CBLN2: variants seen among roughly 807,000 people sequenced by gnomAD.
CBLN2 encodes the protein cerebellin-2.
CBLN2 carries 7 observed loss-of-function variants against 15.0 expected under a neutral mutation model. That is an observed-to-expected ratio of 0.47 (90% confidence interval 0.27 to 0.88). The LOEUF is 0.88. CBLN2 is among the 40% of genes least tolerant of loss of function. The pLI is 0.14. For missense variants in CBLN2, 242 were observed against 304.5 expected, an observed-to-expected ratio of 0.79 and a Z score of 1.53; for synonymous variants, 149 against 135.2, an observed-to-expected ratio of 1.10 and a Z score of -0.71.
At chr18:72,615,953 A>ATT (rs2069658643) in intron 1 of CBLN2, among the ~76,000 whole-genome samples, 1 of 152,194 alleles carries the variant, frequency 6.6e-6, no homozygotes. Flanking sequence ...CTGCTCTATG[A>ATT]ATTAACCTTC....
rs78946029 is a variant in CBLN2, at chr18:72,575,949, C to T, written c.16-37177G>A. ...CAGGTTTTTCCTGGAGTATAGCACC[C>T]TTTAGCCCTTATCACCCTAAACCTG... On this transcript the variant is annotated intron_variant, in intron 1 of 2. Transcript: ENST00000581073. Among the ~76,000 whole-genome samples, 1,478 of 152,268 alleles carry T rather than the reference C, an allele frequency of 9.7e-3. 28 individuals are homozygous for T. Among genetic ancestry groups the T allele is most frequent in the African/African-American group, 0.034 (1,392 of 41,530 alleles).
At chr18:72,560,183 C>T (rs1285613274) in intron 1 of CBLN2, among the ~76,000 whole-genome samples, 5 of 152,300 alleles carry the variant, frequency 3.3e-5, no homozygotes, top group Admixed American at 6.5e-5. Flanking sequence ...GCTGCTCCTG[C>T]CCCTTGTGGG....
chr18:72,629,424 A>G (rs1212581952), intron 1 of CBLN2, among the ~76,000 whole-genome samples: 1 of 152,110 alleles, frequency 6.6e-6, no homozygotes, highest in African/African-American at 2.4e-5. Flanking sequence ...ATTAAGATAA[A>G]GAAAACAAAG....
intron 1 of CBLN2, among the ~76,000 whole-genome samples, chr18:72,636,229 T>C (rs1209481599): frequency 6.6e-6 from 1 of 152,218 alleles, no homozygotes; most frequent in Non-Finnish European, 1.5e-5. Context: ...TACGTAGGTA[T>C]TGAAAATGAC....
intron 1 of CBLN2, among the ~76,000 whole-genome samples, chr18:72,604,034 C>G (rs968546877): frequency 6.6e-6 from 1 of 152,132 alleles, no homozygotes; most frequent in East Asian, 1.9e-4. Flanking sequence ...CGTCCAGCAC[C>G]GATTACATCG....
intron 1 of CBLN2, among the ~76,000 whole-genome samples, chr18:72,602,516 C>T (rs183729439): frequency 7.2e-4 from 109 of 152,228 alleles, no homozygotes; most frequent in Middle Eastern, 3.4e-3. Context: ...CATGAAAACA[C>T]GCTGTGATAG....
chr18:72,556,532 G>A (rs2069227911), intron 1 of CBLN2, among the ~76,000 whole-genome samples: 1 of 152,194 alleles, frequency 6.6e-6, no homozygotes, highest in African/African-American at 2.4e-5. Context: ...TAGAAGGCCT[G>A]TTGCCTGCAT....
chr18:72,555,016 T>C (rs1048478076), intron 1 of CBLN2, among the ~76,000 whole-genome samples: 1 of 152,018 alleles, frequency 6.6e-6, no homozygotes, highest in African/African-American at 2.4e-5. Flanking sequence ...GTGCCTGTAA[T>C]CCCAGCTACT....
At chr18:72,550,100 T>C (rs2069183036) in intron 1 of CBLN2, among the ~76,000 whole-genome samples, 1 of 152,238 alleles carries the variant, frequency 6.6e-6, no homozygotes, top group Non-Finnish European at 1.5e-5. Flanking sequence ...AAACTTGGGC[T>C]TTTCTTACTC....
chr18:72,580,950 A>G (rs538432378), intron 1 of CBLN2, among the ~76,000 whole-genome samples: 4 of 152,258 alleles, frequency 2.6e-5, no homozygotes, highest in African/African-American at 7.2e-5. Flanking sequence ...CCTCCTTAGT[A>G]CAGTATTAGC....
chr18:72,584,424 G>A (rs2069428282), intron 1 of CBLN2, among the ~76,000 whole-genome samples: 1 of 151,730 alleles, frequency 6.6e-6, no homozygotes, highest in South Asian at 2.1e-4. Context: ...CGATTCTCCA[G>A]CCTCAGCCTC....
intron 1 of CBLN2, among the ~76,000 whole-genome samples, chr18:72,625,814 CT>C (rs2069734533): frequency 1.5e-5 from 1 of 66,576 alleles, no homozygotes; most frequent in African/African-American, 5.6e-5. Context: ...CTCTCTCTCT[CT>C]CTCTATATAT....
Position 72,541,810 on chromosome 18 carries a change from GA to G in CBLN2, c.350del (p.Phe117SerfsTer5). 1 of 1,555,322 alleles carries G rather than the reference GA, an allele frequency of 6.4e-7. No homozygotes were observed. On this transcript the variant is annotated frameshift_variant, in exon 3 of 5. Coordinates refer to ENST00000269503, the MANE Select transcript of CBLN2 (RefSeq NM_182511.4). LOFTEE classifies it high-confidence loss of function. Reference sequence around the variant, plus strand: ...GGGCAGGCCGACGGCTGACCTGGTCGAAATAGATGGTCATGGTGCGGTTGCT... The same window carrying G: ...GGGCAGGCCGACGGCTGACCTGGTCGAATAGATGGTCATGGTGCGGTTGCT... ...EMSNRTMTIY[F>X]DQVLVNIGNH...
chr18:72,571,182 T>C (rs1368067842), intron 1 of CBLN2, among the ~76,000 whole-genome samples: 2 of 152,308 alleles, frequency 1.3e-5, no homozygotes, highest in South Asian at 4.1e-4. Flanking sequence ...GGATGTTGTT[T>C]ATCTAAATTA....
intron 1 of CBLN2, among the ~76,000 whole-genome samples, chr18:72,572,067 C>T (rs1450790483): frequency 6.6e-6 from 1 of 152,110 alleles, no homozygotes; most frequent in East Asian, 1.9e-4. Context: ...ACCATAGAGG[C>T]TTTTGCATCG....
chr18:72,600,193 A>G (rs764873044), intron 1 of CBLN2, among the ~76,000 whole-genome samples: 1 of 152,210 alleles, frequency 6.6e-6, no homozygotes, highest in Non-Finnish European at 1.5e-5. Flanking sequence ...ATCATTTGGA[A>G]TTATAAATTT....
upstream of CBLN2, among the ~76,000 whole-genome samples, chr18:72,547,643 C>T (rs2069166957): frequency 6.6e-6 from 1 of 151,200 alleles, no homozygotes; most frequent in Non-Finnish European, 1.5e-5. Context: ...TTTGAGTAAA[C>T]ATAATATACA....
chr18:72,600,149 T>C (rs2069538612), intron 1 of CBLN2, among the ~76,000 whole-genome samples: 1 of 152,226 alleles, frequency 6.6e-6, no homozygotes, highest in African/African-American at 2.4e-5. Flanking sequence ...ATTTTAGTAA[T>C]GTGAGTTGAT....
At chr18:72,607,794 A>G (rs1471819734) in intron 1 of CBLN2, among the ~76,000 whole-genome samples, 1 of 151,298 alleles carries the variant, frequency 6.6e-6, no homozygotes, top group Non-Finnish European at 1.5e-5. Flanking sequence ...TTTGAATTCC[A>G]TTTTTGTAGT....
Sources: gnomAD v4.1 joint callset for allele counts (sites outside exome capture counted in the v4.1 genomes callset) on GRCh38, gnomAD v4.1.1 for gene constraint, MANE v1.5 for transcripts, NCBI Gene and HGNC (gene_info 2026-07-23, HGNC 2026-07-21) for gene names.